The following NBPF20 variants were observed in gnomAD, a reference collection of about 807,000 sequenced individuals.
NBPF20 encodes NBPF member 20, also known as NBPF family member NBPF20.
In NBPF20, 90 loss-of-function variants were observed where a neutral mutation model predicts 68.1. The observed-to-expected ratio is 1.32, with a 90% CI of 1.11 to 1.58. The LOEUF is 1.58. Among genes scored for constraint, NBPF20 ranks in the 40% most tolerant of loss-of-function variants. The pLI is 0.00. For synonymous variants in NBPF20, 290 were observed against 228.1 expected, an observed-to-expected ratio of 1.27 and a Z score of -2.45; for missense variants, 816 against 601.2, an observed-to-expected ratio of 1.36 and a Z score of -3.74.
At chr1:145,297,794 G>T in intron 130 of NBPF20, 168 bp downstream of exon 135, 1 of 51,776 alleles carries the variant, frequency 1.9e-5, no homozygotes, top group Non-Finnish European at 3.2e-5. Flanking sequence ...CCCATCCCTT[G>T]CCTGGGCTTC....
At chr1:145,422,091 T>A in the NBPF20 span, among the ~76,000 whole-genome samples, 1 of 151,442 alleles carries the variant, frequency 6.6e-6, no homozygotes, top group African/African-American at 2.4e-5. Flanking sequence ...TGTAGAATAC[T>A]ATTGTTTACA....
chr1:145,405,805 T>G (rs1484765503), upstream of NBPF20: 7 of 283,072 alleles, frequency 2.5e-5, no homozygotes, highest in Non-Finnish European at 3.9e-5. Context: ...CTCTTGTCTG[T>G]ACAACATCAT....
At chr1:145,419,069 GAGGAAGGGAGGGAGGAAGGAAGGA>G in the NBPF20 span, among the ~76,000 whole-genome samples, 2 of 141,004 alleles carry the variant, frequency 1.4e-5, no homozygotes, top group Non-Finnish European at 3.1e-5. Context: ...GGGAAGGAAG[GAGGAAGGGAGGGAGGAAGGAAGGA>G]AGGAAGGGAG....
intron 6 of NBPF20, among the ~76,000 whole-genome samples, chr1:145,399,832 C>T (rs1662429486): frequency 7.3e-6 from 1 of 137,706 alleles, no homozygotes; most frequent in African/African-American, 2.7e-5. Flanking sequence ...TTGGATCAGC[C>T]ATTGCATTGA....
At chr1:145,291,414 C>T (rs1661073187) in exon 138 of NBPF20, 7 of 1,605,656 alleles carry the variant, frequency 4.4e-6, no homozygotes, top group Non-Finnish European at 3.4e-6. Flanking sequence ...GCCATGCCCA[C>T]TGACCCATCC....
intron 9 of NBPF20, among the ~76,000 whole-genome samples, 166 bp from the exon 15 acceptor site, chr1:145,393,412 G>T (rs1571359396): frequency 6.6e-6 from 1 of 150,750 alleles, no homozygotes; most frequent in East Asian, 2.0e-4. Flanking sequence ...CTAGGGCCAG[G>T]TAGAAAAGGA....
the NBPF20 span, among the ~76,000 whole-genome samples, chr1:145,417,579 G>T: frequency 7.2e-6 from 1 of 138,454 alleles, no homozygotes; most frequent in Admixed American, 7.8e-5. Flanking sequence ...AAAAACTGCT[G>T]CCAAAATATA....
intron 6 of NBPF20, among the ~76,000 whole-genome samples, chr1:145,400,080 G>T (rs78847735): frequency 1.9e-4 from 29 of 152,258 alleles, no homozygotes; most frequent in East Asian, 5.8e-4. Context: ...CAGGGACAGA[G>T]GACTTAATCA....
At chr1:145,403,961 C>G (rs1553666215) in intron 2 of NBPF20, among the ~76,000 whole-genome samples, 1 of 145,842 alleles carries the variant, frequency 6.9e-6, no homozygotes, top group Admixed American at 6.9e-5. Flanking sequence ...AATAAATGTT[C>G]TAGGAGATTG....
rs1661266872 is a variant in NBPF20 at position 145,295,098 on chromosome 1, T to G, written c.16191-144A>C. On this transcript the variant is annotated intron_variant, in intron 133 of 137. Transcript: ENST00000369373. ...ATGAGGTAATGAATTATTGCCTTTA[T>G]GTTGGGATAGACCAGGGCCAGGTAG... 6.9e-6 allele frequency: 4 copies of G among 578,536 alleles called. No individual in the cohort carries two copies. The African/African-American group carries it at 9.7e-5, about 14-fold the overall frequency. 35.8% of individuals were successfully genotyped at this position (578,536 alleles called of 1,614,324 possible).
exon 5 of NBPF20, chr1:145,401,098 A>G: frequency 6.2e-7 from 1 of 1,608,110 alleles, no homozygotes; most frequent in Non-Finnish European, 8.5e-7. Flanking sequence ...AGCCAACTCA[A>G]CTTGAACATC....
At chr1:145,292,403 C>A (rs782527878) in exon 137 of NBPF20, 4 of 683,314 alleles carry the variant, frequency 5.9e-6, no homozygotes, top group South Asian at 1.6e-5. Flanking sequence ...GGGTTTTGAT[C>A]TTCTTCCCCT....
At chr1:145,407,991 G>A (rs1380680976), upstream of NBPF20, 2 of 180,016 alleles carry the variant, frequency 1.1e-5, no homozygotes, top group African/African-American at 4.7e-5. Context: ...ACTGCTGCAG[G>A]ATGGGGAATT....
intron 8 of NBPF20, among the ~76,000 whole-genome samples, chr1:145,394,453 T>C (rs1160217697): frequency 1.1e-4 from 16 of 151,912 alleles, no homozygotes; most frequent in Admixed American, 8.5e-4. Context: ...ACCAGGAACA[T>C]GATGGACAGA....
At chr1:145,311,855 G>C (rs1193992749) in intron 112 of NBPF20, among the ~76,000 whole-genome samples, 3 of 110,954 alleles carry the variant, frequency 2.7e-5, no homozygotes, top group East Asian at 2.3e-4. Context: ...GTTCACGGTA[G>C]CGAGGATTTT....
chr1:145,292,172 G>C (rs1365707373), intron 137 of NBPF20, among the ~76,000 whole-genome samples: 2 of 149,952 alleles, frequency 1.3e-5, no homozygotes, highest in Non-Finnish European at 2.9e-5. Flanking sequence ...AGCTTTTGAA[G>C]TATGGTCAAC....
chr1:145,291,909 T>A (rs757864359), intron 137 of NBPF20, 140 bp from the exon 143 acceptor site: 7 of 1,547,420 alleles, frequency 4.5e-6, no homozygotes, highest in Non-Finnish European at 6.1e-6. Context: ...AAAAAATTTA[T>A]TGCCTATATG....
chr1:145,415,919 T>C, the NBPF20 span, among the ~76,000 whole-genome samples: 3 of 144,722 alleles, frequency 2.1e-5, no homozygotes, highest in African/African-American at 7.6e-5. Context: ...TCACTTGAGG[T>C]CAAGAGTTAG....
intron 7 of NBPF20, among the ~76,000 whole-genome samples, chr1:145,397,339 G>C (rs1285709917): frequency 3.1e-4 from 47 of 152,302 alleles, no homozygotes; most frequent in African/African-American, 1.1e-3. Context: ...CTGAGGAATT[G>C]TCACACTGCC....
Sources: gnomAD v4.1 joint callset for allele counts (sites outside exome capture counted in the v4.1 genomes callset) on GRCh38, gnomAD v4.1.1 for gene constraint, MANE v1.5 for transcripts, NCBI Gene and HGNC (gene_info 2026-07-23, HGNC 2026-07-21) for gene names.